The following MCC variants were observed in gnomAD, a reference collection of about 807,000 sequenced individuals.
MCC encodes MCC regulator of Wnt signaling pathway.
In MCC, 90 loss-of-function variants were observed where a neutral mutation model predicts 116.2. The ratio of observed to expected loss-of-function variants is 0.77; its 90% CI spans 0.65 to 0.92. The LOEUF (loss-of-function observed/expected upper bound fraction) is 0.92. MCC is among the 40% of genes least tolerant of loss of function. The pLI, the probability that MCC is intolerant of heterozygous loss-of-function variation, is 0.00. For synonymous variants in MCC, 578 were observed against 510.5 expected (o/e 1.13, Z -1.78); for missense variants, 1,516 against 1,312.2 (o/e 1.16, Z -2.40).
At chr5:113,218,074 A>G in intron 3 of MCC, among the ~76,000 whole-genome samples, 1 of 134,448 alleles carries the variant, frequency 7.4e-6, no homozygotes, top group African/African-American at 2.8e-5. Context: ...GCTCTTAAGA[A>G]GCCAGAAGGA....
intron 2 of MCC, among the ~76,000 whole-genome samples, chr5:113,357,927 C>T (rs1352124748): frequency 6.6e-6 from 1 of 152,170 alleles, no homozygotes; most frequent in Non-Finnish European, 1.5e-5. Context: ...GCCCACTGGC[C>T]TTCTTCCAAG....
chr5:113,121,839 C>T (rs903037585), intron 6 of MCC, among the ~76,000 whole-genome samples: 4 of 150,874 alleles, frequency 2.7e-5, no homozygotes, highest in African/African-American at 5.0e-5. Flanking sequence ...GCTCCTCCCT[C>T]TTTTGACTCC....
chr5:113,260,978 CA>C (rs894672891), intron 3 of MCC, among the ~76,000 whole-genome samples: 8 of 151,844 alleles, frequency 5.3e-5, no homozygotes, highest in Non-Finnish European at 1.2e-4. Flanking sequence ...TTTAAGTGTT[CA>C]AAAAAGGATT....
At chr5:113,435,404 A>G (rs1770821056) in intron 1 of MCC, 1 of 153,098 alleles carries the variant, frequency 6.5e-6, no homozygotes, top group African/African-American at 2.4e-5. Context: ...TGGTCCCTGG[A>G]ACCCAGAAAG....
At chr5:113,080,875 C>A (rs1754812177) in intron 11 of MCC, among the ~76,000 whole-genome samples, 1 of 150,730 alleles carries the variant, frequency 6.6e-6, no homozygotes, top group South Asian at 2.1e-4. Context: ...TGTTGGTGTC[C>A]TATTTATTTC....
At chr5:113,181,372 G>C (rs954612060) in intron 3 of MCC, among the ~76,000 whole-genome samples, 1 of 152,194 alleles carries the variant, frequency 6.6e-6, no homozygotes, top group Non-Finnish European at 1.5e-5. Flanking sequence ...GGGACTCAAA[G>C]AAATTTGGCT....
At chr5:113,474,647 G>A (rs189234904) in intron 1 of MCC, among the ~76,000 whole-genome samples, 18 of 152,302 alleles carry the variant, frequency 1.2e-4, no homozygotes, top group Admixed American at 1.1e-3. Context: ...TGTCAGTGCC[G>A]AGAGTCCTGG....
intron 3 of MCC, among the ~76,000 whole-genome samples, chr5:113,202,918 C>G (rs1561454641): frequency 1.3e-5 from 2 of 152,102 alleles, no homozygotes. Flanking sequence ...TGCTCACTGC[C>G]AAGTTTAGAT....
intron 4 of MCC, among the ~76,000 whole-genome samples, chr5:113,149,290 G>C (rs974345021): frequency 6.6e-6 from 1 of 151,002 alleles, no homozygotes; most frequent in Admixed American, 6.6e-5. Context: ...TTTCAGTTTG[G>C]AGACCACCAC....
At chr5:113,202,286 C>A (rs540943206) in intron 3 of MCC, among the ~76,000 whole-genome samples, 8 of 152,034 alleles carry the variant, frequency 5.3e-5, no homozygotes, top group Non-Finnish European at 8.8e-5. Flanking sequence ...CTGGAGTGCA[C>A]ACGGAGCTTC....
chr5:113,085,424 A>G (rs1755146086), intron 8 of MCC, 114 bp from the exon 9 acceptor site: 2 of 1,062,342 alleles, frequency 1.9e-6, no homozygotes, highest in Non-Finnish European at 2.7e-6. Context: ...GCCCACTGAA[A>G]AGCTAGGTTG....
At chr5:113,132,463 C>T (rs1419479627) in intron 5 of MCC, among the ~76,000 whole-genome samples, 72,668 of 137,182 alleles carry the variant, frequency 0.53, 21,294 homozygotes, top group East Asian at 0.74. Context: ...CACACACACA[C>T]ACACACACAC....
intron 1 of MCC, among the ~76,000 whole-genome samples, chr5:113,424,621 G>A (rs1203408220): frequency 6.6e-6 from 1 of 152,116 alleles, no homozygotes; most frequent in Non-Finnish European, 1.5e-5. Flanking sequence ...GGCTAGGCAG[G>A]AGAATTCCTT....
At chr5:113,264,018 T>C (rs1243127804) in intron 3 of MCC, among the ~76,000 whole-genome samples, 1 of 152,120 alleles carries the variant, frequency 6.6e-6, no homozygotes, top group Non-Finnish European at 1.5e-5. Flanking sequence ...GTTCTTTAAT[T>C]CCTCATTTTA....
intron 1 of MCC, among the ~76,000 whole-genome samples, chr5:113,398,890 C>T (rs1769603739): frequency 6.6e-6 from 1 of 152,008 alleles, no homozygotes; most frequent in Non-Finnish European, 1.5e-5. Context: ...CTATTTTAAC[C>T]CTGGGAATTA....
At chr5:113,134,959 T>C (rs1758720187) in intron 5 of MCC, among the ~76,000 whole-genome samples, 1 of 150,998 alleles carries the variant, frequency 6.6e-6, no homozygotes, top group Admixed American at 6.6e-5. Flanking sequence ...TTTTTTTTTT[T>C]TAAACAGAGT....
At chr5:113,108,331 T>TAAAAAAAAAAAAA (rs56780207) in intron 6 of MCC, among the ~76,000 whole-genome samples, 1 of 42,726 alleles carries the variant, frequency 2.3e-5, no homozygotes, top group Admixed American at 3.9e-4. Context: ...CACTCTATCT[T>TAAAAAAAAAAAAA]AAAAAAAAAA....
In MCC at chr5:113,263,768, C is replaced by T. The variant is rs140070334; in HGVS notation, c.627+76751G>A. Among the ~76,000 whole-genome samples, 1,018 of 152,192 alleles carry T rather than the reference C, an allele frequency of 6.7e-3. 9 individuals carry two copies. Among genetic ancestry groups the T allele is most frequent in the South Asian group, 0.016 (76 of 4,816 alleles). The stretch of plus-strand genomic sequence containing the variant: ...TATCTCCAGGAGCATCTTAATTTTC[C>T]TGAAACGTTTATGGTGTGGCAGAAA... On this transcript the variant is annotated intron_variant, in intron 3 of 18. Transcript: ENST00000408903.
At chr5:113,319,881 C>A (rs1474769380) in intron 3 of MCC, among the ~76,000 whole-genome samples, 1 of 152,218 alleles carries the variant, frequency 6.6e-6, no homozygotes, top group Non-Finnish European at 1.5e-5. Context: ...GTTCTTAGTG[C>A]CTTGCCTACT....
Sources: gnomAD v4.1 joint callset for allele counts (sites outside exome capture counted in the v4.1 genomes callset) on GRCh38, gnomAD v4.1.1 for gene constraint, MANE v1.5 for transcripts, NCBI Gene and HGNC (gene_info 2026-07-23, HGNC 2026-07-21) for gene names.